The following OR6B3 variants were observed in gnomAD, a reference collection of about 807,000 sequenced individuals.
The protein encoded by OR6B3 is olfactory receptor family 6 subfamily B member 3, also known as olfactory receptor 6B3.
For synonymous variants in OR6B3, 148 were observed against 187.8 expected (o/e 0.79, Z 1.73); for missense variants, 315 against 427.4 (o/e 0.74, Z 2.32).
upstream of OR6B3, among the ~76,000 whole-genome samples, chr2:240,047,298 A>T (rs924233511): frequency 6.6e-6 from 1 of 152,232 alleles, no homozygotes; most frequent in South Asian, 2.1e-4. Flanking sequence ...TTGTTCATTA[A>T]TAAGGGATGG....
At chr2:240,044,878 G>A (rs894938084), downstream of OR6B3, among the ~76,000 whole-genome samples, 10 of 152,204 alleles carry the variant, frequency 6.6e-5, no homozygotes, top group Admixed American at 5.2e-4. Context: ...TTTTAAAGGC[G>A]AGGAAAATTC....
At chr2:240,049,821 C>T (rs116748547), upstream of OR6B3, among the ~76,000 whole-genome samples, 2,814 of 151,622 alleles carry the variant, frequency 0.019, 91 homozygotes, top group African/African-American at 0.065. Flanking sequence ...ATTGTTTTTC[C>T]AAGAGGAAAA....
upstream of OR6B3, among the ~76,000 whole-genome samples, chr2:240,047,809 G>C (rs1305942125): frequency 6.6e-6 from 1 of 152,204 alleles, no homozygotes; most frequent in African/African-American, 2.4e-5. Flanking sequence ...GTATTGTGCA[G>C]TGTATCGTGT....
At chr2:240,051,521 C>T (rs1399234909), upstream of OR6B3, among the ~76,000 whole-genome samples, 1 of 152,196 alleles carries the variant, frequency 6.6e-6, no homozygotes, top group Non-Finnish European at 1.5e-5. Flanking sequence ...CCTTAGAGAG[C>T]ATGGGAAAGT....
At chr2:240,049,904 G>A (rs1574920293), upstream of OR6B3, among the ~76,000 whole-genome samples, 1 of 152,118 alleles carries the variant, frequency 6.6e-6, no homozygotes, top group South Asian at 2.1e-4. Flanking sequence ...ATAATCAAAA[G>A]GGTATGTTAT....
chr2:240,049,144 G>A (rs1698227133), upstream of OR6B3, among the ~76,000 whole-genome samples: 1 of 152,170 alleles, frequency 6.6e-6, no homozygotes, highest in South Asian at 2.1e-4. Context: ...AAGGGCAGAG[G>A]CAACTGGCTG....
chr2:240,046,196 G>A, intron 1 of OR6B3, 99 bp from the exon 3 acceptor site: 3 of 768,582 alleles, frequency 3.9e-6, no homozygotes, highest in Non-Finnish European at 6.2e-6. Flanking sequence ...TGTAAAGAGA[G>A]GCCACGTGGC....
exon 2 of OR6B3, chr2:240,045,843 A>T: frequency 6.2e-7 from 1 of 1,612,206 alleles, no homozygotes; most frequent in Non-Finnish European, 8.5e-7. Context: ...CTTGGGGGTG[A>T]TGTCAGACAC....
chr2:240,049,665 C>T (rs1278798167), upstream of OR6B3, among the ~76,000 whole-genome samples: 1 of 152,142 alleles, frequency 6.6e-6, no homozygotes, highest in Non-Finnish European at 1.5e-5. Context: ...AAAATGCAAA[C>T]GTCTCTCCTT....
At chr2:240,047,893 C>T (rs1319888956), upstream of OR6B3, among the ~76,000 whole-genome samples, 1 of 152,020 alleles carries the variant, frequency 6.6e-6, no homozygotes, top group Non-Finnish European at 1.5e-5. Context: ...GAGGATGGAT[C>T]AGAAACGACA....
intron 1 of OR6B3, among the ~76,000 whole-genome samples, chr2:240,046,435 C>T (rs138628572): frequency 1.3e-3 from 195 of 152,292 alleles, no homozygotes; most frequent in African/African-American, 4.0e-3. Flanking sequence ...ACAGGGTGTC[C>T]GGTGTCCTCC....
upstream of OR6B3, among the ~76,000 whole-genome samples, chr2:240,047,295 T>C (rs370172675): frequency 3.9e-5 from 6 of 152,344 alleles, no homozygotes; most frequent in African/African-American, 1.4e-4. Context: ...GTATTGTTCA[T>C]TAATAAGGGA....
At chr2:240,048,405 C>T (rs921467328), upstream of OR6B3, among the ~76,000 whole-genome samples, 10 of 152,120 alleles carry the variant, frequency 6.6e-5, no homozygotes, top group African/African-American at 1.7e-4. Flanking sequence ...CCCCCATCTC[C>T]GCACTGTCTC....
At chr2:240,048,729 T>C (rs756179282), upstream of OR6B3, among the ~76,000 whole-genome samples, 11 of 152,210 alleles carry the variant, frequency 7.2e-5, no homozygotes, top group South Asian at 2.1e-4. Flanking sequence ...GACTGGGTGA[T>C]GGCACGTGTT....
upstream of OR6B3, among the ~76,000 whole-genome samples, chr2:240,048,538 C>T (rs1698221439): frequency 6.6e-6 from 1 of 152,158 alleles, no homozygotes. Flanking sequence ...GCTGCGCACC[C>T]ACTGGGCCGC....
At chr2:240,045,889 A>C in exon 2 of OR6B3, 1 of 1,604,012 alleles carries the variant, frequency 6.2e-7, no homozygotes, top group Non-Finnish European at 8.5e-7. Context: ...GAGCTCAGAA[A>C]GTAGTACATG....
upstream of OR6B3, among the ~76,000 whole-genome samples, chr2:240,051,872 C>G (rs1050907515): frequency 6.6e-6 from 1 of 152,154 alleles, no homozygotes; most frequent in Non-Finnish European, 1.5e-5. Flanking sequence ...ATAAATAATA[C>G]CAGCCTCAAC....
exon 2 of OR6B3, chr2:240,045,916 T>A (rs751970513): frequency 1.6e-5 from 25 of 1,551,356 alleles, no homozygotes; most frequent in Non-Finnish European, 2.0e-5. Context: ...TGGAGGGAGG[T>A]GCTGCTCCAG....
upstream of OR6B3, among the ~76,000 whole-genome samples, chr2:240,051,511 C>G (rs1487584087): frequency 6.6e-6 from 1 of 152,140 alleles, no homozygotes; most frequent in Admixed American, 6.5e-5. Context: ...TTAGGTAAAC[C>G]CTTAGAGAGC....
Sources: allele counts gnomAD v4.1 joint callset (sites outside exome capture counted in the v4.1 genomes callset), GRCh38; gene constraint gnomAD v4.1.1; transcripts MANE v1.5; gene names NCBI Gene and HGNC (gene_info 2026-07-23, HGNC 2026-07-21).